FAAH2: variants seen among roughly 807,000 people sequenced by gnomAD.
FAAH2 encodes fatty-acid amide hydrolase 2.
FAAH2 carries 60 observed loss-of-function variants against 36.9 expected under a neutral mutation model. The observed-to-expected ratio is 1.63, with a 90% CI of 1.32 to 2.02. FAAH2 has a LOEUF of 2.02. Among genes scored for constraint, FAAH2 ranks in the 30% most tolerant of loss-of-function variants. FAAH2 has a pLI of 0.00. For missense variants in FAAH2, 689 were observed against 397.5 expected, an observed-to-expected ratio of 1.73 and a Z score of -6.23; for synonymous variants, 214 against 143.8, an observed-to-expected ratio of 1.49 and a Z score of -3.49.
chrX:57,455,331 C>T (rs914872190), intron 10 of FAAH2, among the ~76,000 whole-genome samples: 2 of 111,272 alleles, frequency 1.8e-5, no homozygotes, highest in Non-Finnish European at 1.9e-5. Context: ...AGGACCAAAA[C>T]TTGCTACCTC....
At chrX:57,356,992 A>G (rs1369839996) in intron 5 of FAAH2, among the ~76,000 whole-genome samples, 1 of 110,659 alleles carries the variant, frequency 9.0e-6, no homozygotes, top group African/African-American at 3.3e-5. Context: ...CACTGTGTCC[A>G]TGTGTTCTCA....
the FAAH2 span, among the ~76,000 whole-genome samples, chrX:57,176,832 T>A: frequency 9.0e-6 from 1 of 111,353 alleles, no homozygotes; most frequent in Admixed American, 9.6e-5. Context: ...GCTCTGGGTG[T>A]TTTCAGTGGT....
chrX:57,417,698 T>G (rs932126678), intron 7 of FAAH2, among the ~76,000 whole-genome samples: 8 of 111,416 alleles, frequency 7.2e-5, no homozygotes, highest in African/African-American at 2.3e-4. Context: ...CAGTCTGGAG[T>G]CACAGCAGTC....
Position 57,286,806 on chromosome X carries a change from C to T in FAAH2, c.-20C>T, listed in dbSNP as rs373014690. ...GCACGTAACCCTCAAGCACTAGGAC[C>T]GTGCGGAATCCAGGCTGCGATGGCA... On this transcript the variant is annotated 5_prime_UTR_variant, in exon 1 of 11. Coordinates refer to ENST00000374900, the MANE Select transcript of FAAH2 (RefSeq NM_174912.4). The T allele has an allele frequency of 6.5e-5, 76 of 1,161,652 alleles. No individual in the cohort carries two copies. The highest frequency in any genetic ancestry group is 8.3e-5 in the Non-Finnish European group (72 of 868,551).
chrX:57,136,940 A>G, the FAAH2 span: 9 of 839,484 alleles, frequency 1.1e-5, no homozygotes, highest in South Asian at 6.2e-5. Context: ...GGCCTTGACC[A>G]GCACCCACTA....
At chrX:57,487,571 G>A (rs1424958494) in intron 10 of FAAH2, among the ~76,000 whole-genome samples, 1 of 111,934 alleles carries the variant, frequency 8.9e-6, no homozygotes, top group Non-Finnish European at 1.9e-5. Context: ...AAAATCACAA[G>A]GAGTTATCAA....
intron 10 of FAAH2, among the ~76,000 whole-genome samples, chrX:57,464,817 A>G (rs898034040): frequency 6.3e-5 from 7 of 111,603 alleles, no homozygotes; most frequent in Non-Finnish European, 9.4e-5. Context: ...TAACAAATCT[A>G]CATGATGTAT....
the FAAH2 span, among the ~76,000 whole-genome samples, chrX:57,256,050 C>CT: frequency 5.2e-4 from 58 of 112,279 alleles, no homozygotes; most frequent in African/African-American, 1.6e-3. Context: ...CCAAAATCTT[C>CT]TTAAGCTGAT....
chrX:57,328,006 G>T (rs2053270016), intron 3 of FAAH2, among the ~76,000 whole-genome samples: 1 of 111,722 alleles, frequency 9.0e-6, no homozygotes, highest in African/African-American at 3.3e-5. Context: ...GTGATGTACA[G>T]ATGGGTTTTT....
In FAAH2 at chrX:57,378,689, G is replaced by C. The variant is rs368527435; in HGVS notation, c.781G>C (p.Gly261Arg). Residue 261 changes from glycine to arginine, a missense_variant, in exon 6 of 11, where the codon GGA (glycine) becomes CGA (arginine). Physicochemically the swap from Gly to Arg is moderately radical, Grantham distance 125. Coordinates refer to ENST00000374900, the MANE Select transcript of FAAH2 (RefSeq NM_174912.4). ...CAAAGGTCAGTTTCCCTTGGCTGTGGGAGCCCAGGAGTTGTTTCTGTGCAC... is the reference window on the plus strand; with the variant it reads ...CAAAGGTCAGTTTCCCTTGGCTGTGCGAGCCCAGGAGTTGTTTCTGTGCAC... ...PNKGQFPLAV[G>R]AQELFLCTGP... 6.8e-5 allele frequency: 82 copies of C among 1,209,000 alleles called. No homozygotes were observed. The highest frequency in any genetic ancestry group is 8.9e-5 in the Non-Finnish European group (80 of 894,835).
chrX:57,296,495 T>A (rs1164343634), intron 2 of FAAH2, among the ~76,000 whole-genome samples: 14 of 110,572 alleles, frequency 1.3e-4, no homozygotes, highest in Admixed American at 9.6e-4. Flanking sequence ...AACCACAAAG[T>A]TGGGGAAAAA....
chrX:57,319,776 C>G (rs1207179565), intron 3 of FAAH2, among the ~76,000 whole-genome samples: 1 of 111,883 alleles, frequency 8.9e-6, no homozygotes, highest in Non-Finnish European at 1.9e-5. Flanking sequence ...AAGTATACTA[C>G]AAGGCTACAG....
At chrX:57,294,290 T>A (rs192242435) in intron 2 of FAAH2, among the ~76,000 whole-genome samples, 10 of 112,465 alleles carry the variant, frequency 8.9e-5, no homozygotes, top group African/African-American at 2.9e-4. Flanking sequence ...AGTTCAATGA[T>A]TAAAATCACA....
chrX:57,450,098 T>C (rs1403756760), intron 10 of FAAH2, among the ~76,000 whole-genome samples: 1 of 111,440 alleles, frequency 9.0e-6, no homozygotes, highest in African/African-American at 3.3e-5. Flanking sequence ...AGAAATATAC[T>C]GTTTATACCT....
At chrX:57,186,601 A>G in the FAAH2 span, among the ~76,000 whole-genome samples, 1 of 111,590 alleles carries the variant, frequency 9.0e-6, no homozygotes, top group African/African-American at 3.3e-5. Flanking sequence ...CTTTTGTTGC[A>G]ATTGCTTTTG....
chrX:57,379,160 G>A (rs1449748199), intron 6 of FAAH2, among the ~76,000 whole-genome samples: 1 of 111,494 alleles, frequency 9.0e-6, no homozygotes, highest in East Asian at 2.8e-4. Context: ...AACGCTGCTT[G>A]GAAATTGGTT....
chrX:57,269,908 A>G, the FAAH2 span, among the ~76,000 whole-genome samples: 2 of 111,414 alleles, frequency 1.8e-5, no homozygotes, highest in African/African-American at 6.5e-5. Context: ...GGCACAAAAA[A>G]ACATTCAAAA....
chrX:57,145,901 T>A, the FAAH2 span, among the ~76,000 whole-genome samples: 1 of 111,964 alleles, frequency 8.9e-6, no homozygotes, highest in Non-Finnish European at 1.9e-5. Context: ...TTCTCTGTTC[T>A]GTTCCATTGG....
chrX:57,265,167 G>A, the FAAH2 span, among the ~76,000 whole-genome samples: 97 of 111,588 alleles, frequency 8.7e-4, no homozygotes, highest in Non-Finnish European at 1.5e-3. Flanking sequence ...GACACAGAGA[G>A]CTACATGGAG....
Sources: allele counts gnomAD v4.1 joint callset (sites outside exome capture counted in the v4.1 genomes callset), GRCh38; gene constraint gnomAD v4.1.1; transcripts MANE v1.5; gene names NCBI Gene and HGNC (gene_info 2026-07-23, HGNC 2026-07-21).